Variants in TMEM132B observed in about 807,000 individuals in gnomAD.
TMEM132B encodes the protein transmembrane protein 132B.
TMEM132B carries 18 observed loss-of-function variants against 90.8 expected under a neutral mutation model. That is an observed-to-expected ratio of 0.20 (90% CI 0.14 to 0.29). TMEM132B has a LOEUF of 0.29. Among genes scored for constraint, TMEM132B ranks in the 10% least tolerant of loss-of-function variants. The probability of loss-of-function intolerance (pLI) is 1.00; values close to 1 mark genes in which losing one functional copy is unlikely to be tolerated. For missense variants in TMEM132B, 1,096 were observed against 1,326.8 expected, an observed-to-expected ratio of 0.83 and a Z score of 2.70; for synonymous variants, 504 against 523.3, an observed-to-expected ratio of 0.96 and a Z score of 0.50.
rs60338829 is a variant in TMEM132B, at chr12:125,417,315, G to A, written c.1106+1638G>A. 9.2e-5 allele frequency among the ~76,000 whole-genome samples: 14 copies of A among 152,234 alleles called. No individual in the cohort carries two copies. In the East Asian group the frequency reaches 2.3e-3, roughly 25 times the overall value. On this transcript the variant is annotated intron_variant, in intron 3 of 8. Transcript: ENST00000682704. Reference sequence around the variant, plus strand: ...TCTTCCCTTTAGATCTTATCAATACGCAGTGGGTTTCATGCTTTTGCCCGA... The same window carrying A: ...TCTTCCCTTTAGATCTTATCAATACACAGTGGGTTTCATGCTTTTGCCCGA...
At chr12:125,279,573 T>C (rs1425049504) in intron 1 of TMEM132B, among the ~76,000 whole-genome samples, 4 of 152,210 alleles carry the variant, frequency 2.6e-5, no homozygotes, top group Non-Finnish European at 4.4e-5. Flanking sequence ...TTTTTCTTGC[T>C]GGAAGAAGAG....
chr12:125,339,068 A>G (rs1008445954), intron 1 of TMEM132B, among the ~76,000 whole-genome samples: 5 of 148,106 alleles, frequency 3.4e-5, no homozygotes, highest in African/African-American at 9.9e-5. Flanking sequence ...CTAACAGTCC[A>G]TTTGAGTTTT....
intron 1 of TMEM132B, among the ~76,000 whole-genome samples, chr12:125,288,492 C>T (rs1481950151): frequency 6.7e-6 from 1 of 149,640 alleles, no homozygotes; most frequent in African/African-American, 2.5e-5. Flanking sequence ...GAGCTGCTAG[C>T]TTTGCAGCAG....
At chr12:125,446,012 A>G (rs1880998266) in intron 3 of TMEM132B, among the ~76,000 whole-genome samples, 1 of 152,178 alleles carries the variant, frequency 6.6e-6, no homozygotes, top group South Asian at 2.1e-4. Flanking sequence ...TCTCCAACAA[A>G]GTCTGAATCC....
rs113146911 is a variant in TMEM132B at position 125,593,766 on chromosome 12, A to G, written c.1437+9772A>G. ...TTCAAGTTCATTTGGTTTCCTGAAG[A>G]AACTCAAATTAAAAAACTTTATAAA... On this transcript the variant is annotated intron_variant, in intron 5 of 8. Coordinates refer to ENST00000682704, the MANE Select transcript of TMEM132B (RefSeq NM_001366854.1). 6.4e-3 allele frequency among the ~76,000 whole-genome samples: 979 copies of G among 152,354 alleles called. 3 individuals carry two copies. The highest frequency in any genetic ancestry group is 0.031 in the Middle Eastern group (9 of 294).
intron 1 of TMEM132B, among the ~76,000 whole-genome samples, chr12:125,252,401 C>T (rs549894705): frequency 1.0e-3 from 153 of 152,318 alleles, no homozygotes; most frequent in Non-Finnish European, 1.5e-3. Context: ...CAGCCTCCCA[C>T]GGAGGCCTGC....
intron 3 of TMEM132B, 128 bp from the exon 4 acceptor site, chr12:125,519,311 G>T: frequency 5.3e-6 from 5 of 950,148 alleles, no homozygotes; most frequent in Admixed American, 2.8e-5. Context: ...CAACACTGCC[G>T]TGTGAGTTGT....
At chr12:125,465,680 C>G (rs75976556) in intron 3 of TMEM132B, among the ~76,000 whole-genome samples, 1 of 152,172 alleles carries the variant, frequency 6.6e-6, no homozygotes, top group Non-Finnish European at 1.5e-5. Context: ...ATCTTACATA[C>G]TTTATTGCAA....
chr12:125,540,820 C>G (rs1007410489), intron 4 of TMEM132B, among the ~76,000 whole-genome samples: 1 of 152,250 alleles, frequency 6.6e-6, no homozygotes, highest in Non-Finnish European at 1.5e-5. Flanking sequence ...CATCTTCTCT[C>G]ACTTAGAAAA....
At chr12:125,341,477 T>C (rs1877177573) in intron 1 of TMEM132B, among the ~76,000 whole-genome samples, 1 of 152,228 alleles carries the variant, frequency 6.6e-6, no homozygotes. Context: ...ATTCTTGTTT[T>C]CCCTTTGCCC....
intron 1 of TMEM132B, among the ~76,000 whole-genome samples, chr12:125,317,437 G>A (rs1265011468): frequency 3.9e-5 from 6 of 152,078 alleles, no homozygotes; most frequent in African/African-American, 1.2e-4. Flanking sequence ...GCTCTCACCC[G>A]ACGGGCAGAA....
At chr12:125,648,150 G>A (rs1046910359) in intron 6 of TMEM132B, among the ~76,000 whole-genome samples, 3 of 148,478 alleles carry the variant, frequency 2.0e-5, no homozygotes, top group Admixed American at 6.8e-5. Flanking sequence ...GAGAATATGC[G>A]GTGTTCGGTT....
At chr12:125,400,769 C>T (rs1879296250) in intron 2 of TMEM132B, among the ~76,000 whole-genome samples, 1 of 152,178 alleles carries the variant, frequency 6.6e-6, no homozygotes, top group African/African-American at 2.4e-5. Context: ...TTGCAGTTTT[C>T]CTTAATCACA....
chr12:125,640,773 G>A (rs567943079), intron 5 of TMEM132B, among the ~76,000 whole-genome samples: 1 of 152,178 alleles, frequency 6.6e-6, no homozygotes, highest in Non-Finnish European at 1.5e-5. Context: ...CCACCTCGTG[G>A]CATTACCGTG....
chr12:125,288,697 G>T (rs1875442834), intron 1 of TMEM132B, among the ~76,000 whole-genome samples: 1 of 152,000 alleles, frequency 6.6e-6, no homozygotes, highest in Admixed American at 6.6e-5. Context: ...GTTGCAGGGG[G>T]CTGTTCTGCG....
intron 1 of TMEM132B, among the ~76,000 whole-genome samples, chr12:125,219,721 G>T (rs4765231): frequency 0.19 from 28,818 of 152,158 alleles, 3,044 homozygotes; most frequent in East Asian, 0.37. Flanking sequence ...TAGGGGCTTA[G>T]GTCCTGATTT....
At position 125,450,991 on chromosome 12, in the gene TMEM132B, A is replaced by ATG. The variant is rs558206544; in HGVS notation, c.1106+35328_1106+35329dup. Among the ~76,000 whole-genome samples the ATG allele has an allele frequency of 6.3e-3, 961 of 151,420 alleles. 8 individuals carry two copies. Among genetic ancestry groups the ATG allele is most frequent in the African/African-American group, 9.5e-3 (391 of 41,362 alleles). ...TTTTTAAAAGGCAGTGAGGGTGTGT[A>ATG]TGTGTGTGTGTGTGTATGTTGTACT... On this transcript the variant is annotated intron_variant, in intron 3 of 8. Transcript: ENST00000682704.
intron 1 of TMEM132B, among the ~76,000 whole-genome samples, chr12:125,281,256 C>G (rs1278708463): frequency 6.6e-6 from 1 of 151,924 alleles, no homozygotes; most frequent in East Asian, 1.9e-4. Context: ...CAGGGAAGCC[C>G]GGGGACTGGG....
chr12:125,189,516 T>A (rs957160213), intron 1 of TMEM132B, among the ~76,000 whole-genome samples: 2 of 134,356 alleles, frequency 1.5e-5, no homozygotes, highest in African/African-American at 5.7e-5. Context: ...TATTTCTCAT[T>A]ACAATAGTGA....
Sources: allele counts gnomAD v4.1 joint callset (sites outside exome capture counted in the v4.1 genomes callset), GRCh38; gene constraint gnomAD v4.1.1; transcripts MANE v1.5; gene names NCBI Gene and HGNC (gene_info 2026-07-23, HGNC 2026-07-21).